Variants in LHFPL6 observed in about 807,000 individuals in gnomAD.
LHFPL6 encodes LHFPL tetraspan subfamily member 6 protein.
LHFPL6 carries 9 observed loss-of-function variants against 20.6 expected under a neutral mutation model. The ratio of observed to expected loss-of-function variants is 0.44; its 90% CI spans 0.26 to 0.76. The LOEUF (loss-of-function observed/expected upper bound fraction) is 0.76. Ranked by LOEUF, LHFPL6 falls within the 30% of genes least tolerant of loss-of-function variation. LHFPL6 has a pLI of 0.20. For missense variants in LHFPL6, 218 were observed against 253.5 expected (o/e 0.86, Z 0.95); for synonymous variants, 105 against 98.7 (o/e 1.06, Z -0.38).
At chr13:39,547,624 C>T (rs61954150) in intron 2 of LHFPL6, among the ~76,000 whole-genome samples, 1 of 152,058 alleles carries the variant, frequency 6.6e-6, no homozygotes, top group Non-Finnish European at 1.5e-5. Flanking sequence ...TGGACCAGCT[C>T]CTGAGAATTG....
At chr13:39,495,112 A>G (rs752908198) in intron 2 of LHFPL6, among the ~76,000 whole-genome samples, 8 of 152,238 alleles carry the variant, frequency 5.3e-5, no homozygotes, top group Non-Finnish European at 1.0e-4. Flanking sequence ...AAAACAAGCA[A>G]ACTTGATCAA....
At chr13:39,440,106 TAGAG>T (rs923048676) in intron 2 of LHFPL6, among the ~76,000 whole-genome samples, 2 of 151,766 alleles carry the variant, frequency 1.3e-5, no homozygotes, top group Non-Finnish European at 2.9e-5. Flanking sequence ...TTTAAAAGGG[TAGAG>T]AGAGAGAGAT....
At chr13:39,423,526 C>T (rs372267538) in intron 2 of LHFPL6, among the ~76,000 whole-genome samples, 12 of 152,028 alleles carry the variant, frequency 7.9e-5, no homozygotes, top group East Asian at 1.9e-4. Flanking sequence ...TGGGTTCATG[C>T]GATTCTCCTG....
intron 2 of LHFPL6, among the ~76,000 whole-genome samples, chr13:39,424,828 T>C (rs1004804379): frequency 1.3e-5 from 2 of 152,136 alleles, no homozygotes; most frequent in African/African-American, 4.8e-5. Context: ...TTAAAAGTAA[T>C]AGGGCAAAGA....
At chr13:39,498,553 G>A (rs987036251) in intron 2 of LHFPL6, among the ~76,000 whole-genome samples, 1 of 152,224 alleles carries the variant, frequency 6.6e-6, no homozygotes, top group African/African-American at 2.4e-5. Context: ...GATCAGTAGA[G>A]ACTGAAAGTC....
chr13:39,511,959 C>G (rs1869721401), intron 2 of LHFPL6, among the ~76,000 whole-genome samples: 1 of 152,200 alleles, frequency 6.6e-6, no homozygotes, highest in African/African-American at 2.4e-5. Context: ...TTACCCATCC[C>G]AGTAAATGCC....
At chr13:39,405,980 A>G (rs1195022322) in intron 2 of LHFPL6, among the ~76,000 whole-genome samples, 1 of 152,212 alleles carries the variant, frequency 6.6e-6, no homozygotes, top group Non-Finnish European at 1.5e-5. Flanking sequence ...GGGTAACATT[A>G]AAAGAGTCCT....
At chr13:39,484,996 T>C (rs1396992711) in intron 2 of LHFPL6, among the ~76,000 whole-genome samples, 2 of 152,174 alleles carry the variant, frequency 1.3e-5, no homozygotes, top group African/African-American at 4.8e-5. Flanking sequence ...ACAGGGCAGT[T>C]TTCATCTATA....
At chr13:39,495,733 C>T (rs1241719560) in intron 2 of LHFPL6, among the ~76,000 whole-genome samples, 1 of 151,060 alleles carries the variant, frequency 6.6e-6, no homozygotes, top group East Asian at 1.9e-4. Context: ...TGCCAGATAC[C>T]AACCTTGAAG....
chr13:39,510,464 C>A (rs1869654112), intron 2 of LHFPL6, among the ~76,000 whole-genome samples: 1 of 152,168 alleles, frequency 6.6e-6, no homozygotes, highest in South Asian at 2.1e-4. Context: ...AACTGAAAGT[C>A]CAGAACCAAT....
At chr13:39,600,790 T>A in intron 2 of LHFPL6, 42 bp downstream of exon 2, 2 of 1,448,688 alleles carry the variant, frequency 1.4e-6, no homozygotes, top group Non-Finnish European at 1.8e-6. Context: ...TAATACTGCT[T>A]TGGGATTCCA....
At chr13:39,374,546 TAA>T (rs71732995) in intron 3 of LHFPL6, among the ~76,000 whole-genome samples, 11 of 145,574 alleles carry the variant, frequency 7.6e-5, no homozygotes, top group Admixed American at 2.7e-4. Context: ...GTTGAAATTA[TAA>T]AAAAAAAAAA....
At chr13:39,369,107 G>GAA (rs760829098) in intron 3 of LHFPL6, among the ~76,000 whole-genome samples, 1 of 117,714 alleles carries the variant, frequency 8.5e-6, no homozygotes, top group Non-Finnish European at 1.8e-5. Flanking sequence ...GGACAACACT[G>GAA]AAAAAAAAAA....
chr13:39,434,434 G>A (rs1161579551), intron 2 of LHFPL6, among the ~76,000 whole-genome samples: 1 of 152,136 alleles, frequency 6.6e-6, no homozygotes, highest in Non-Finnish European at 1.5e-5. Flanking sequence ...TGCAACATGA[G>A]TGATTCTAAT....
chr13:39,438,430 CTT>C (rs1872023132), intron 2 of LHFPL6, among the ~76,000 whole-genome samples: 1 of 152,210 alleles, frequency 6.6e-6, no homozygotes, highest in Admixed American at 6.5e-5. Flanking sequence ...AGTTTGGAAA[CTT>C]TGCGTCTTGG....
chr13:39,512,382 C>T (rs1869741627), intron 2 of LHFPL6, among the ~76,000 whole-genome samples: 1 of 152,134 alleles, frequency 6.6e-6, no homozygotes, highest in African/African-American at 2.4e-5. Flanking sequence ...GCGTGTGGAT[C>T]ACGAGGTCAG....
intron 2 of LHFPL6, among the ~76,000 whole-genome samples, chr13:39,418,563 G>A (rs1173163018): frequency 2.0e-5 from 3 of 152,070 alleles, no homozygotes; most frequent in Non-Finnish European, 4.4e-5. Flanking sequence ...TAAAAGTAGG[G>A]TGGAAGAGAA....
intron 2 of LHFPL6, among the ~76,000 whole-genome samples, chr13:39,523,744 TCTAA>T (rs1418296820): frequency 6.6e-6 from 1 of 152,194 alleles, no homozygotes; most frequent in East Asian, 1.9e-4. Flanking sequence ...TGCTCTGCTC[TCTAA>T]CTAGGTATAT....
intron 2 of LHFPL6, among the ~76,000 whole-genome samples, chr13:39,475,962 A>G (rs181529530): frequency 1.2e-4 from 19 of 152,298 alleles, no homozygotes; most frequent in Middle Eastern, 6.8e-3. Context: ...TGAAGGGAAT[A>G]AAAAATAATG....
Sources: allele counts gnomAD v4.1 joint callset (sites outside exome capture counted in the v4.1 genomes callset), GRCh38; gene constraint gnomAD v4.1.1; transcripts MANE v1.5; gene names NCBI Gene and HGNC (gene_info 2026-07-23, HGNC 2026-07-21).